Variants in AUH observed in about 807,000 individuals in gnomAD.
The protein encoded by AUH is methylglutaconyl-CoA hydratase, mitochondrial.
AUH carries 29 observed loss-of-function variants against 42.3 expected under a neutral mutation model. The ratio of observed to expected loss-of-function variants is 0.69; its 90% CI spans 0.51 to 0.93. The LOEUF is 0.93. Ranked by LOEUF, AUH falls within the 40% of genes least tolerant of loss-of-function variation. The pLI is 0.00. For missense variants in AUH, 452 were observed against 438.1 expected (o/e 1.03, Z -0.28); for synonymous variants, 174 against 166.4 (o/e 1.05, Z -0.35).
chr9:91,217,434 G>T, intron 7 of AUH, 107 bp from the exon 8 acceptor site: 2 of 1,207,918 alleles, frequency 1.7e-6, no homozygotes, highest in South Asian at 1.3e-5. Context: ...TGCACAGCCA[G>T]CAATGGCTGT....
At chr9:91,262,773 T>A (rs1218382217) in intron 6 of AUH, among the ~76,000 whole-genome samples, 1 of 152,130 alleles carries the variant, frequency 6.6e-6, no homozygotes, top group Admixed American at 6.6e-5. Flanking sequence ...AACTACTCCA[T>A]CAAGGGCTGG....
chr9:91,260,042 A>C (rs1319352184), intron 6 of AUH, among the ~76,000 whole-genome samples: 1 of 152,002 alleles, frequency 6.6e-6, no homozygotes, highest in African/African-American at 2.4e-5. Flanking sequence ...ATTTCTGGAA[A>C]TTTTCATTCT....
intron 9 of AUH, among the ~76,000 whole-genome samples, chr9:91,215,154 A>C (rs1305159708): frequency 6.6e-6 from 1 of 152,202 alleles, no homozygotes; most frequent in Non-Finnish European, 1.5e-5. Flanking sequence ...GTAGAACAAA[A>C]CTTTTTTGCT....
intron 6 of AUH, among the ~76,000 whole-genome samples, chr9:91,278,526 T>C (rs1334455039): frequency 6.6e-6 from 1 of 152,238 alleles, no homozygotes; most frequent in Non-Finnish European, 1.5e-5. Flanking sequence ...CTGTTAAGTC[T>C]GATTTCACCT....
chr9:91,345,458 T>A (rs1310711286), intron 3 of AUH, among the ~76,000 whole-genome samples: 1 of 152,108 alleles, frequency 6.6e-6, no homozygotes, highest in African/African-American at 2.4e-5. Context: ...CATCAAAATA[T>A]ATGAAAAACT....
intron 3 of AUH, among the ~76,000 whole-genome samples, chr9:91,342,368 C>A (rs1250014164): frequency 6.6e-6 from 1 of 152,116 alleles, no homozygotes; most frequent in Admixed American, 6.6e-5. Context: ...ATCTCCCCAT[C>A]GTAAGATCTT....
At chr9:91,341,684 T>A (rs1831113293) in intron 3 of AUH, among the ~76,000 whole-genome samples, 1 of 152,232 alleles carries the variant, frequency 6.6e-6, no homozygotes, top group African/African-American at 2.4e-5. Context: ...GTGCCTTCTA[T>A]GGGCCAGGCA....
At chr9:91,341,416 A>G (rs1269026913) in intron 3 of AUH, among the ~76,000 whole-genome samples, 25 of 152,222 alleles carry the variant, frequency 1.6e-4, no homozygotes, top group Admixed American at 1.4e-3. Context: ...CATCAAAGCC[A>G]TATCTTTGAA....
intron 6 of AUH, among the ~76,000 whole-genome samples, chr9:91,258,143 GT>G (rs1245264713): frequency 6.6e-6 from 1 of 152,192 alleles, no homozygotes; most frequent in Non-Finnish European, 1.5e-5. Flanking sequence ...TTCCAAAAGT[GT>G]TTTGGTAGAC....
At position 91,214,164 on chromosome 9, in the gene AUH, T is replaced by C; in HGVS notation, c.*184A>G. ...CTAGCTTTATAAATCTGAATGAATATGACATTTACACATTTGAATGAAGTA... is the reference window on the plus strand; with the variant it reads ...CTAGCTTTATAAATCTGAATGAATACGACATTTACACATTTGAATGAAGTA... On this transcript the variant is annotated 3_prime_UTR_variant, in exon 10 of 10. Coordinates refer to ENST00000375731, the MANE Select transcript of AUH (RefSeq NM_001698.3). 1.7e-6 allele frequency: 1 copy of C among 602,690 alleles called. No individual in the cohort carries two copies. The highest frequency in any genetic ancestry group is 3.0e-6 in the Non-Finnish European group (1 of 333,810). 37.3% of individuals were successfully genotyped at this position (602,690 alleles called of 1,614,324 possible). A position where few individuals can be genotyped will look rare whatever the true frequency, so the allele number is the denominator to read the frequency against.
chr9:91,254,862 A>G (rs1829325053), intron 6 of AUH, among the ~76,000 whole-genome samples: 1 of 152,182 alleles, frequency 6.6e-6, no homozygotes, highest in South Asian at 2.1e-4. Flanking sequence ...AGGTTCTAAG[A>G]CTCAGTTTCC....
intron 6 of AUH, among the ~76,000 whole-genome samples, chr9:91,231,338 T>C (rs768493753): frequency 2.6e-5 from 4 of 152,172 alleles, no homozygotes; most frequent in Non-Finnish European, 5.9e-5. Flanking sequence ...CGGTCACCCC[T>C]TTCTTTGATT....
intron 6 of AUH, among the ~76,000 whole-genome samples, chr9:91,278,633 T>A (rs1825730746): frequency 6.6e-6 from 1 of 152,172 alleles, no homozygotes; most frequent in Non-Finnish European, 1.5e-5. Flanking sequence ...TCTGATTAAG[T>A]GGTTGGTCAT....
chr9:91,262,733 A>T (rs565387885), intron 6 of AUH, among the ~76,000 whole-genome samples: 1 of 152,228 alleles, frequency 6.6e-6, no homozygotes, highest in Admixed American at 6.5e-5. Context: ...GACAACATTC[A>T]TGCCTAGGTG....
chr9:91,313,125 TCAGGTAGA>T (rs1353032559), intron 4 of AUH, among the ~76,000 whole-genome samples: 1 of 152,192 alleles, frequency 6.6e-6, no homozygotes. Flanking sequence ...CTGAGCTGAT[TCAGGTAGA>T]CTGGAATCTC....
At position 91,220,886 on chromosome 9, in the gene AUH, G is replaced by C. The variant is rs766896413; in HGVS notation, c.762C>G (p.Ile254Met). 6 of 1,614,130 alleles carry C rather than the reference G, an allele frequency of 3.7e-6. No individual in the cohort carries two copies. Among genetic ancestry groups the C allele is most frequent in the Non-Finnish European group, 5.1e-6 (6 of 1,180,060 alleles). ...DGKEAKAVGL[I>M]SHVLEQNQEG... ...CCTGGTTCTGTTCCAGAACGTGGCT[G>C]ATTAAGCCCACTGCTTTGGCTTCTT... is the stretch of plus-strand genomic sequence containing the variant. Residue 254 changes from isoleucine to methionine, a missense_variant, in exon 7 of 10, where the codon ATC becomes ATG. Ile to Met is a conservative substitution (Grantham distance 10). Coordinates refer to ENST00000375731, the MANE Select transcript of AUH (RefSeq NM_001698.3).
At chr9:91,245,522 G>A (rs1391804294) in intron 6 of AUH, among the ~76,000 whole-genome samples, 1 of 152,096 alleles carries the variant, frequency 6.6e-6, no homozygotes, top group African/African-American at 2.4e-5. Context: ...AATTAAGCAA[G>A]GGTTGAGTAA....
chr9:91,250,827 G>A (rs1479305641), intron 6 of AUH, among the ~76,000 whole-genome samples: 1 of 152,188 alleles, frequency 6.6e-6, no homozygotes, highest in African/African-American at 2.4e-5. Context: ...GTCAGACTGC[G>A]GATGACCAAG....
At chr9:91,360,537 A>G (rs1261014717) in intron 1 of AUH, 2 of 152,240 alleles carry the variant, frequency 1.3e-5, no homozygotes, top group Admixed American at 6.5e-5. Context: ...TCTCATCTTC[A>G]TAACAAACCT....
Sources: allele counts gnomAD v4.1 joint callset (sites outside exome capture counted in the v4.1 genomes callset), GRCh38; gene constraint gnomAD v4.1.1; transcripts MANE v1.5; gene names NCBI Gene and HGNC (gene_info 2026-07-23, HGNC 2026-07-21).